The following SKIL variants were observed in gnomAD, a reference collection of about 807,000 sequenced individuals.
The protein encoded by SKIL is SKI like proto-oncogene.
A neutral mutation model predicts 69.6 loss-of-function variants in SKIL; 20 were observed. The ratio of observed to expected loss-of-function variants is 0.29; its 90% CI spans 0.20 to 0.42. The LOEUF (loss-of-function observed/expected upper bound fraction) is 0.42. Among genes scored for constraint, SKIL ranks in the 10% least tolerant of loss-of-function variants. SKIL has a pLI of 1.00. For synonymous variants in SKIL, 310 were observed against 279.9 expected, an observed-to-expected ratio of 1.11 and a Z score of -1.08; for missense variants, 745 against 783.1, an observed-to-expected ratio of 0.95 and a Z score of 0.58.
intron 2 of SKIL, among the ~76,000 whole-genome samples, chr3:170,376,172 C>T (rs571735138): frequency 9.6e-4 from 146 of 151,526 alleles, no homozygotes; most frequent in African/African-American, 3.3e-3. Context: ...CTCAGCCTCC[C>T]GAGTAGCTGG....
At chr3:170,383,077 C>T (rs563740547) in intron 3 of SKIL, among the ~76,000 whole-genome samples, 2 of 152,210 alleles carry the variant, frequency 1.3e-5, no homozygotes, top group South Asian at 2.1e-4. Flanking sequence ...TCTTAATAAC[C>T]GTACTTCTCA....
intron 4 of SKIL, among the ~76,000 whole-genome samples, chr3:170,385,282 T>TG (rs1737560588): frequency 1.4e-5 from 2 of 146,260 alleles, no homozygotes; most frequent in Admixed American, 1.4e-4. Flanking sequence ...TTTGTAGAGA[T>TG]GGTCTTGGTA....
At position 170,361,114 on chromosome 3, in the gene SKIL, C is replaced by A; in HGVS notation, c.783C>A (p.Ala261=). The A allele has an allele frequency of 5.6e-6, 9 of 1,614,210 alleles. No homozygotes were observed. The highest frequency in any genetic ancestry group is 7.6e-6 in the Non-Finnish European group (9 of 1,180,044). The change falls in exon 2 of 7, where the codon GCC becomes GCA. Residue 261 remains alanine (A), a synonymous_variant. Transcript: ENST00000259119. Reference sequence around the variant, plus strand: ...CCCAGTTAAAGGAAACTGGCAGTGCCTTTGAAGTGGAGCATGAATGCCTAG... The same window carrying A: ...CCCAGTTAAAGGAAACTGGCAGTGCATTTGAAGTGGAGCATGAATGCCTAG... ...SLAQLKETGS[A]FEVEHECLGK...
chr3:170,371,491 A>G (rs943790866), intron 2 of SKIL, among the ~76,000 whole-genome samples: 3 of 152,342 alleles, frequency 2.0e-5, no homozygotes, highest in Admixed American at 2.0e-4. Context: ...TGGGCAACAG[A>G]GTGAGACTCT....
chr3:170,374,915 G>A (rs1299642532), intron 2 of SKIL, among the ~76,000 whole-genome samples: 1 of 152,198 alleles, frequency 6.6e-6, no homozygotes, highest in African/African-American at 2.4e-5. Flanking sequence ...GATATCAAAC[G>A]TGAAAGAGAC....
In SKIL at chr3:170,396,267, G is replaced by A. The variant is rs1308406609; in HGVS notation, c.*3850G>A. 1 of 152,076 alleles carries A rather than the reference G, an allele frequency of 6.6e-6. No homozygotes were observed. Among genetic ancestry groups the A allele is most frequent in the Non-Finnish European group, 1.5e-5 (1 of 67,950 alleles). The allele number at this position is 152,076 out of a possible 1,614,324, so 9.4% of individuals were successfully genotyped here. On this transcript the variant is annotated 3_prime_UTR_variant, in exon 7 of 7. Transcript: ENST00000259119. ...ATACCTCACTTGAAAAGAAAGCACA[G>A]CATACTTAAAGTAGTTCTAGTAAAC...
chr3:170,365,248 A>T (rs1310490478), intron 2 of SKIL, among the ~76,000 whole-genome samples: 1 of 152,194 alleles, frequency 6.6e-6, no homozygotes, highest in African/African-American at 2.4e-5. Context: ...TCTAACTCGA[A>T]GTTTAGTAAT....
At chr3:170,390,045 G>A (rs529032054) in intron 4 of SKIL, among the ~76,000 whole-genome samples, 178 bp from the exon 5 acceptor site, 129 of 152,250 alleles carry the variant, frequency 8.5e-4, no homozygotes, top group African/African-American at 2.9e-3. Context: ...ATTTCTTTTA[G>A]TGATGTTTTG....
intron 2 of SKIL, among the ~76,000 whole-genome samples, chr3:170,370,591 G>C (rs916092604): frequency 4.0e-4 from 60 of 151,884 alleles, no homozygotes; most frequent in African/African-American, 1.3e-3. Flanking sequence ...AGTGATTCTC[G>C]AAGAGGGAAA....
intron 4 of SKIL, among the ~76,000 whole-genome samples, chr3:170,389,947 G>C (rs2108225711): frequency 6.6e-6 from 1 of 152,320 alleles, no homozygotes; most frequent in South Asian, 2.1e-4. Context: ...CTGATAAGTA[G>C]ATCAATTTGG....
chr3:170,364,311 C>CTTTTTT (rs34818157), intron 2 of SKIL, among the ~76,000 whole-genome samples: 3 of 59,974 alleles, frequency 5.0e-5, no homozygotes, highest in African/African-American at 1.7e-4. Flanking sequence ...TTGCTCCCGT[C>CTTTTTT]TTTTTTTTTT....
At chr3:170,372,097 G>T (rs1005557548) in intron 2 of SKIL, among the ~76,000 whole-genome samples, 3 of 152,158 alleles carry the variant, frequency 2.0e-5, no homozygotes, top group African/African-American at 7.2e-5. Flanking sequence ...TTTCCATGTA[G>T]TTGCAGTATT....
rs1738207469 is a variant in SKIL at position 170,396,805 on chromosome 3, TACTA to T, written c.*4390_*4393del. On this transcript the variant is annotated 3_prime_UTR_variant, in exon 7 of 7. Coordinates refer to ENST00000259119, the MANE Select transcript of SKIL (RefSeq NM_005414.5). ...TAACTTGTATAGATTGTGGATCAAA[TACTA>T]AATAAAAACTTTTAATGCCAATTAA... The T allele has an allele frequency of 6.6e-6, 1 of 152,384 alleles. No homozygotes were observed. The highest frequency in any genetic ancestry group is 2.1e-4 in the South Asian group (1 of 4,832). 9.4% of individuals were successfully genotyped at this position (152,384 alleles called of 1,614,324 possible). A position where few individuals can be genotyped will look rare whatever the true frequency, so the allele number is the denominator to read the frequency against.
At chr3:170,386,231 A>C (rs1737624387) in intron 4 of SKIL, among the ~76,000 whole-genome samples, 1 of 148,816 alleles carries the variant, frequency 6.7e-6, no homozygotes, top group Admixed American at 6.7e-5. Context: ...CCCAGGTTCA[A>C]GTGATTCTCC....
chr3:170,387,765 A>AAAAAAAAAAC (rs1473594483), intron 4 of SKIL, among the ~76,000 whole-genome samples: 6 of 131,928 alleles, frequency 4.5e-5, no homozygotes, highest in Admixed American at 8.0e-5. Context: ...CTACTAAAAA[A>AAAAAAAAAAC]AAAAAAAAAT....
At chr3:170,378,145 C>A (rs1737128664) in intron 2 of SKIL, among the ~76,000 whole-genome samples, 1 of 152,164 alleles carries the variant, frequency 6.6e-6, no homozygotes, top group African/African-American at 2.4e-5. Flanking sequence ...CCTGCCTTGG[C>A]CTCCCAAAGT....
At chr3:170,371,227 G>A (rs1222570118) in intron 2 of SKIL, among the ~76,000 whole-genome samples, 2 of 152,206 alleles carry the variant, frequency 1.3e-5, no homozygotes, top group African/African-American at 4.8e-5. Context: ...TAGGCCTGGT[G>A]CGGTGGCTAA....
At chr3:170,359,606 A>T (rs1369229318) in intron 1 of SKIL, 93 bp from the exon 2 acceptor site, 12 of 151,620 alleles carry the variant, frequency 7.9e-5, no homozygotes, top group African/African-American at 2.9e-4. Flanking sequence ...AAGAAAAAAA[A>T]AAAAATAAAA....
At chr3:170,369,041 T>C (rs989127109) in intron 2 of SKIL, among the ~76,000 whole-genome samples, 1 of 151,616 alleles carries the variant, frequency 6.6e-6, no homozygotes, top group Non-Finnish European at 1.5e-5. Flanking sequence ...TGGAGCTCAT[T>C]CTGTTAATAA....
Sources: allele counts gnomAD v4.1 joint callset (sites outside exome capture counted in the v4.1 genomes callset), GRCh38; gene constraint gnomAD v4.1.1; transcripts MANE v1.5; gene names NCBI Gene and HGNC (gene_info 2026-07-23, HGNC 2026-07-21).